Variants in RAB11FIP3 observed in about 807,000 individuals in gnomAD.
The protein encoded by RAB11FIP3 is RAB11 family interacting protein 3, also known as rab11 family-interacting protein 3.
In RAB11FIP3, 17 loss-of-function variants were observed where a neutral mutation model predicts 77.8. The observed-to-expected ratio is 0.22, with a 90% CI of 0.15 to 0.33. RAB11FIP3 has a LOEUF of 0.33. Ranked by LOEUF, RAB11FIP3 falls within the 10% of genes least tolerant of loss-of-function variation. The pLI is 1.00. For missense variants in RAB11FIP3, 1,005 were observed against 1,011.2 expected (o/e 0.99, Z 0.08); for synonymous variants, 437 against 448.2 (o/e 0.98, Z 0.31).
At chr16:516,545 G>A (rs1057145510) in intron 9 of RAB11FIP3, among the ~76,000 whole-genome samples, 7 of 152,212 alleles carry the variant, frequency 4.6e-5, no homozygotes, top group Non-Finnish European at 1.0e-4. Context: ...AGCATAAAGT[G>A]CGTGAGTCCA....
At chr16:431,731 A>G (rs1045725845) in intron 1 of RAB11FIP3, among the ~76,000 whole-genome samples, 17 of 151,674 alleles carry the variant, frequency 1.1e-4, no homozygotes, top group African/African-American at 3.6e-4. Context: ...AAAGTACACA[A>G]TTGAGATCAT....
rs913152327 is a variant in RAB11FIP3, at chr16:521,177, G to A, written c.*338G>A. 10 of 364,698 alleles carry A rather than the reference G, an allele frequency of 2.7e-5. No individual in the cohort carries two copies. The highest frequency in any genetic ancestry group is 2.7e-4 in the Admixed American group (7 of 25,624). The allele number at this position is 364,698 out of a possible 1,614,324, so 22.6% of individuals were successfully genotyped here. The stretch of plus-strand genomic sequence containing the variant: ...TGAACGCGTACACTTCAGTTCAGCA[G>A]GATGGGCTGGAGAGCCTCTCTGTGC... On this transcript the variant is annotated 3_prime_UTR_variant, in exon 14 of 14. Transcript: ENST00000262305.
At position 471,205 on chromosome 16, in the gene RAB11FIP3, C is replaced by A; in HGVS notation, c.809-90C>A. 1.9e-6 allele frequency: 2 copies of A among 1,076,402 alleles called. No homozygotes were observed. Among genetic ancestry groups the A allele is most frequent in the Non-Finnish European group, 2.8e-6 (2 of 712,800 alleles). The allele number at this position is 1,076,402 out of a possible 1,614,324, so 66.7% of individuals were successfully genotyped here. A position where few individuals can be genotyped will look rare whatever the true frequency, so the allele number is the denominator to read the frequency against. The stretch of plus-strand genomic sequence containing the variant: ...ACTCCCACACATCTGTCCCTGGGGG[C>A]CTCCTTCCCAGGGAGTCCCGAGGCC... On this transcript the variant is annotated intron_variant, in intron 2 of 13. Coordinates refer to ENST00000262305, the MANE Select transcript of RAB11FIP3 (RefSeq NM_014700.4). The surrounding 1 kb of genome is among the most constrained non-coding windows in gnomAD (Gnocchi z 4.4).
intron 2 of RAB11FIP3, among the ~76,000 whole-genome samples, chr16:468,237 G>A: frequency 6.7e-6 from 1 of 148,250 alleles, no homozygotes; most frequent in East Asian, 2.0e-4. Flanking sequence ...TCAGGGAGGA[G>A]GTGCTGGGGC....
rs1040050383 is a variant in RAB11FIP3, at chr16:505,333, A to G, written c.1396-191A>G. Among the ~76,000 whole-genome samples, 2 of 152,094 alleles carry G rather than the reference A, an allele frequency of 1.3e-5. No individual in the cohort carries two copies. Among genetic ancestry groups the G allele is most frequent in the Admixed American group, 6.5e-5 (1 of 15,276 alleles). On this transcript the variant is annotated intron_variant, in intron 7 of 13. Transcript: ENST00000262305. This position sits in a 1 kb window ranked among gnomAD's most constrained non-coding sequence, Gnocchi z 4.0. ...TGTGGGTCGAATGACAGTGCTCCCC[A>G]AGACCCCGGCCCCATTAGGAGCTGC...
chr16:493,755 C>T (rs1257832045), intron 5 of RAB11FIP3, among the ~76,000 whole-genome samples: 1 of 148,854 alleles, frequency 6.7e-6, no homozygotes, highest in Non-Finnish European at 1.5e-5. Context: ...TACAGGCGCC[C>T]ATCACCACAC....
chr16:486,569 T>A (rs2056158021), intron 4 of RAB11FIP3, among the ~76,000 whole-genome samples: 1 of 152,222 alleles, frequency 6.6e-6, no homozygotes, highest in South Asian at 2.1e-4. Flanking sequence ...ATCTAACTGC[T>A]AGCTAGCGCG....
intron 1 of RAB11FIP3, among the ~76,000 whole-genome samples, chr16:438,719 T>C (rs547468275): frequency 6.6e-6 from 1 of 151,080 alleles, no homozygotes; most frequent in Non-Finnish European, 1.5e-5. Context: ...GAGATGGAAT[T>C]TCGCTCTAAC....
At position 507,599 on chromosome 16, in the gene RAB11FIP3, TTC is replaced by T. The variant is rs930074817; in HGVS notation, c.1499+1973_1499+1974del. Among the ~76,000 whole-genome samples the T allele has an allele frequency of 1.3e-5, 2 of 152,202 alleles. No individual in the cohort carries two copies. The highest frequency in any genetic ancestry group is 2.9e-5 in the Non-Finnish European group (2 of 68,040). ...AGGTTTCATTTGAGTCTGGAGTATG[TTC>T]ATCTGTTTTCCGTGTGTGTGGTGTG... On this transcript the variant is annotated intron_variant, in intron 8 of 13. Coordinates refer to ENST00000262305, the MANE Select transcript of RAB11FIP3 (RefSeq NM_014700.4). This position sits in a 1 kb window ranked among gnomAD's most constrained non-coding sequence, Gnocchi z 4.6.
chr16:449,521 C>A (rs906902512), intron 1 of RAB11FIP3, among the ~76,000 whole-genome samples: 1 of 151,892 alleles, frequency 6.6e-6, no homozygotes, highest in Non-Finnish European at 1.5e-5. Context: ...TGGCTCACAC[C>A]TGTAGTCCCA....
At position 505,678 on chromosome 16, in the gene RAB11FIP3, G is replaced by A. The variant is rs557418948; in HGVS notation, c.1499+51G>A. On this transcript the variant is annotated intron_variant, in intron 8 of 13. Coordinates refer to ENST00000262305, the MANE Select transcript of RAB11FIP3 (RefSeq NM_014700.4). The surrounding 1 kb of genome is among the most constrained non-coding windows in gnomAD (Gnocchi z 4.0). ...CCTCTGCGTGGCGCCTCCTGTGCCC[G>A]CCTGTCAGCCCCCATTTACTTCTCT... is the stretch of plus-strand genomic sequence containing the variant. 47 of 1,422,604 alleles carry A rather than the reference G, an allele frequency of 3.3e-5. No homozygotes were observed. In the South Asian group the frequency reaches 4.4e-4, roughly 13 times the overall value. 88.1% of individuals were successfully genotyped at this position (1,422,604 alleles called of 1,614,324 possible).
chr16:503,986 ACCCCC>A (rs2031678154), intron 7 of RAB11FIP3, among the ~76,000 whole-genome samples: 1 of 37,970 alleles, frequency 2.6e-5, no homozygotes, highest in Admixed American at 3.8e-4. Context: ...CACCTCCTGT[ACCCCC>A]TCACCACCTC....
At chr16:433,810 C>T (rs184001710) in intron 1 of RAB11FIP3, among the ~76,000 whole-genome samples, 1 of 149,350 alleles carries the variant, frequency 6.7e-6, no homozygotes, top group East Asian at 2.0e-4. Flanking sequence ...GAGCCGAGAT[C>T]GTGCCACTGC....
intron 5 of RAB11FIP3, among the ~76,000 whole-genome samples, chr16:493,251 C>CAA (rs71139788): frequency 0.013 from 1,330 of 102,382 alleles, 29 homozygotes; most frequent in African/African-American, 0.045. Context: ...ACTCTGACTC[C>CAA]AAAAAAAAAA....
At chr16:434,811 C>A (rs2055100835) in intron 1 of RAB11FIP3, among the ~76,000 whole-genome samples, 2 of 152,074 alleles carry the variant, frequency 1.3e-5, no homozygotes, top group Non-Finnish European at 2.9e-5. Flanking sequence ...CACCTGTAAT[C>A]CCAGCACTTT....
chr16:491,343 G>T, intron 5 of RAB11FIP3: 1 of 1,262,368 alleles, frequency 7.9e-7, no homozygotes. Context: ...GCCCCCTTGA[G>T]GGCCTGCCCC....
At chr16:446,128 C>T (rs527325172) in intron 1 of RAB11FIP3, among the ~76,000 whole-genome samples, 36 of 152,170 alleles carry the variant, frequency 2.4e-4, no homozygotes, top group African/African-American at 8.7e-4. Context: ...GTGCGTGTCT[C>T]AACTACTCGG....
chr16:520,920 C>A lies in RAB11FIP3; in HGVS notation c.*81C>A. The A allele has an allele frequency of 8.7e-7, 1 of 1,154,950 alleles. No homozygotes were observed. Among genetic ancestry groups the A allele is most frequent in the Non-Finnish European group, 1.3e-6 (1 of 769,142 alleles). 71.5% of individuals were successfully genotyped at this position (1,154,950 alleles called of 1,614,324 possible). A position where few individuals can be genotyped will look rare whatever the true frequency, so the allele number is the denominator to read the frequency against. ...CCGTCAGACCATGAGGAGCCAAGAC[C>A]AGCAGGTCCCACAGCCGACAGTGCC... On this transcript the variant is annotated 3_prime_UTR_variant, in exon 14 of 14. Transcript: ENST00000262305.
At chr16:495,168 A>G (rs564844611) in intron 5 of RAB11FIP3, among the ~76,000 whole-genome samples, 30 of 152,364 alleles carry the variant, frequency 2.0e-4, no homozygotes, top group Non-Finnish European at 3.2e-4. Context: ...GGAAAGGAAA[A>G]GAATGTCACA....
Sources: allele counts gnomAD v4.1 joint callset (sites outside exome capture counted in the v4.1 genomes callset), GRCh38; gene constraint gnomAD v4.1.1; non-coding constraint Gnocchi (gnomAD v3.1); transcripts MANE v1.5; gene names NCBI Gene and HGNC (gene_info 2026-07-23, HGNC 2026-07-21).